The following CPEB4 variants were observed in gnomAD, a reference collection of about 807,000 sequenced individuals.
CPEB4 encodes cytoplasmic polyadenylation element binding protein 4, also known as cytoplasmic polyadenylation element-binding protein 4.
A neutral mutation model predicts 72.5 loss-of-function variants in CPEB4; 12 were observed. That is an observed-to-expected ratio of 0.17 (90% CI 0.11 to 0.27). The LOEUF (loss-of-function observed/expected upper bound fraction) is 0.27, where lower values mean the gene tolerates loss of function less well. Among genes scored for constraint, CPEB4 ranks in the 10% least tolerant of loss-of-function variants. The pLI, the probability that CPEB4 is intolerant of heterozygous loss-of-function variation, is 1.00. For synonymous variants in CPEB4, 302 were observed against 326.3 expected (o/e 0.93, Z 0.80); for missense variants, 614 against 908.5 (o/e 0.68, Z 4.17).
chr5:173,916,907 A>G (rs1756889256), intron 2 of CPEB4, among the ~76,000 whole-genome samples: 1 of 152,202 alleles, frequency 6.6e-6, no homozygotes, highest in Admixed American at 6.5e-5. Context: ...GATAGAATTT[A>G]GTGCTACTTA....
intron 2 of CPEB4, among the ~76,000 whole-genome samples, chr5:173,926,448 A>G (rs975695558): frequency 6.6e-6 from 1 of 152,192 alleles, no homozygotes; most frequent in Admixed American, 6.5e-5. Flanking sequence ...CCAACTGGCA[A>G]ATGCTTAGCA....
chr5:173,941,935 G>T (rs1757860782), intron 3 of CPEB4, among the ~76,000 whole-genome samples: 2 of 152,292 alleles, frequency 1.3e-5, no homozygotes, highest in Admixed American at 1.3e-4. Flanking sequence ...GTCCCCACTT[G>T]TTCTACATGC....
intron 2 of CPEB4, among the ~76,000 whole-genome samples, chr5:173,914,711 G>T (rs770665244): frequency 1.3e-5 from 2 of 152,080 alleles, no homozygotes; most frequent in Non-Finnish European, 2.9e-5. Context: ...AGCCGAGATC[G>T]GGCCACTGCA....
chr5:173,889,689 A>G lies in CPEB4; in HGVS notation c.-45A>G. ...GAGGAAAAAAAAGGCGTGAGACATC[A>G]GGTTGTCATTTTTTATTGTGAGATT... is the stretch of plus-strand genomic sequence containing the variant. On this transcript the variant is annotated 5_prime_UTR_variant, in exon 1 of 10. Coordinates refer to ENST00000265085, the MANE Select transcript of CPEB4 (RefSeq NM_030627.4). 2 of 1,491,952 alleles carry G rather than the reference A, an allele frequency of 1.3e-6. No individual in the cohort carries two copies. Among genetic ancestry groups the G allele is most frequent in the Non-Finnish European group, 1.8e-6 (2 of 1,109,722 alleles). 92.4% of individuals were successfully genotyped at this position (1,491,952 alleles called of 1,614,324 possible). A position where few individuals can be genotyped will look rare whatever the true frequency, so the allele number is the denominator to read the frequency against.
chr5:173,946,041 G>C (rs1171548452), intron 5 of CPEB4, among the ~76,000 whole-genome samples: 1 of 152,130 alleles, frequency 6.6e-6, no homozygotes, highest in Non-Finnish European at 1.5e-5. Flanking sequence ...ACATGTATAA[G>C]ATCTAATAAA....
chr5:173,948,907 C>A (rs1391303576), intron 5 of CPEB4, among the ~76,000 whole-genome samples: 1 of 152,110 alleles, frequency 6.6e-6, no homozygotes, highest in Non-Finnish European at 1.5e-5. Context: ...ACCAAAGGCC[C>A]CAGCTCCAAA....
chr5:173,951,632 T>C (rs1238366633), intron 7 of CPEB4, among the ~76,000 whole-genome samples, 192 bp from the exon 8 acceptor site: 1 of 152,246 alleles, frequency 6.6e-6, no homozygotes, highest in African/African-American at 2.4e-5. Context: ...CTTTCCACCT[T>C]GGTTTAGTTT....
chr5:173,908,936 A>G (rs1478618198), intron 1 of CPEB4, among the ~76,000 whole-genome samples: 2 of 152,136 alleles, frequency 1.3e-5, no homozygotes, highest in African/African-American at 2.4e-5. Flanking sequence ...GTGTTTATGT[A>G]CAGTATCCTT....
At chr5:173,910,464 T>C in intron 1 of CPEB4, 59 bp from the exon 2 acceptor site, 3 of 1,176,434 alleles carry the variant, frequency 2.6e-6, no homozygotes, top group Admixed American at 1.8e-5. Flanking sequence ...AAACTTACTG[T>C]CCTCTTTTAT....
intron 2 of CPEB4, among the ~76,000 whole-genome samples, chr5:173,911,277 T>G (rs1216457280): frequency 6.6e-6 from 1 of 151,302 alleles, no homozygotes; most frequent in East Asian, 1.9e-4. Context: ...TTGCATGTTT[T>G]TATTTTTTTT....
chr5:173,923,084 TATCAG>T (rs1394490623), intron 2 of CPEB4, among the ~76,000 whole-genome samples: 1 of 152,214 alleles, frequency 6.6e-6, no homozygotes, highest in East Asian at 1.9e-4. Flanking sequence ...GAAATTCTTA[TATCAG>T]ATATAAAATG....
rs144381158 is a variant in CPEB4 at position 173,896,166 on chromosome 5, C to T, written c.1125+5308C>T. ...ATAATTCGCTGTCATATTTTTTCAG[C>T]GCTGTATTGTACCTCAGTTTTTGGT... On this transcript the variant is annotated intron_variant, in intron 1 of 9. Transcript: ENST00000265085. Among the ~76,000 whole-genome samples the T allele has an allele frequency of 2.0e-3, 305 of 152,162 alleles. 1 individual carries two copies. The highest frequency in any genetic ancestry group is 6.8e-3 in the Middle Eastern group (2 of 294).
chr5:173,911,196 G>T lies in CPEB4; in HGVS notation c.1207+592G>T, dbSNP rs528497159. Among the ~76,000 whole-genome samples, 978 of 151,936 alleles carry T rather than the reference G, an allele frequency of 6.4e-3. 8 individuals carry two copies. The highest frequency in any genetic ancestry group is 0.023 in the African/African-American group (946 of 41,450). ...TCAATTTCTTCACCTTTATAAAGACGTAGAATTACCCGGGTGCTTTAAAAA... is the reference window on the plus strand; with the variant it reads ...TCAATTTCTTCACCTTTATAAAGACTTAGAATTACCCGGGTGCTTTAAAAA... On this transcript the variant is annotated intron_variant, in intron 2 of 9. Coordinates refer to ENST00000265085, the MANE Select transcript of CPEB4 (RefSeq NM_030627.4).
chr5:173,891,333 G>A (rs1755804311), intron 1 of CPEB4: 1 of 152,206 alleles, frequency 6.6e-6, no homozygotes. Flanking sequence ...CTCACTGGTT[G>A]GTTGCATTTT....
rs1023781092 is a variant in CPEB4, at chr5:173,889,528, T to G, written c.-206T>G. ...GGATCCAAGTCAATGTTTTAAGAGA[T>G]TTTTTTAAGAGTTGTTTTTTCTTTC... On this transcript the variant is annotated 5_prime_UTR_variant, in exon 1 of 10. Coordinates refer to ENST00000265085, the MANE Select transcript of CPEB4 (RefSeq NM_030627.4). 7.3e-5 allele frequency: 34 copies of G among 464,546 alleles called. No individual in the cohort carries two copies. The highest frequency in any genetic ancestry group is 4.2e-5 in the Non-Finnish European group (11 of 261,486). 28.8% of individuals were successfully genotyped at this position (464,546 alleles called of 1,614,324 possible). A position where few individuals can be genotyped will look rare whatever the true frequency, so the allele number is the denominator to read the frequency against.
intron 5 of CPEB4, among the ~76,000 whole-genome samples, chr5:173,946,113 C>T (rs890611055): frequency 4.6e-5 from 7 of 152,146 alleles, no homozygotes; most frequent in African/African-American, 1.7e-4. Context: ...ACTTCATTTT[C>T]TTCAAGATGA....
At chr5:173,946,328 A>T (rs1758013463) in intron 5 of CPEB4, among the ~76,000 whole-genome samples, 1 of 152,180 alleles carries the variant, frequency 6.6e-6, no homozygotes, top group Admixed American at 6.5e-5. Context: ...GTGCACTAAA[A>T]ATTACAGGGT....
At position 173,950,430 on chromosome 5, in the gene CPEB4, TC is replaced by T. The variant is rs1758175727; in HGVS notation, c.1665+354del. Among the ~76,000 whole-genome samples, 1 of 151,798 alleles carries T rather than the reference TC, an allele frequency of 6.6e-6. No homozygotes were observed. The highest frequency in any genetic ancestry group is 2.1e-4 in the South Asian group (1 of 4,808). ...GACCAGCCTGGCCAACATGGTGAAATCCAGTCTTTACTGAAAATACAAAAAT... is the reference window on the plus strand; with the variant it reads ...GACCAGCCTGGCCAACATGGTGAAATCAGTCTTTACTGAAAATACAAAAAT... On this transcript the variant is annotated intron_variant, in intron 7 of 9. Coordinates refer to ENST00000265085, the MANE Select transcript of CPEB4 (RefSeq NM_030627.4). This position sits in a 1 kb window ranked among gnomAD's most constrained non-coding sequence, Gnocchi z 5.0.
At position 173,911,352 on chromosome 5, in the gene CPEB4, T is replaced by A. The variant is rs1309590662; in HGVS notation, c.1207+748T>A. 2.0e-5 allele frequency among the ~76,000 whole-genome samples: 3 copies of A among 151,318 alleles called. No individual in the cohort carries two copies. The East Asian group carries it at 5.8e-4, about 29-fold the overall frequency. ...TGGCGTGATCACTGCAAGCTCCGCC[T>A]CCCAGGCTCACGCCATTCTCCTGCC... is the stretch of plus-strand genomic sequence containing the variant. On this transcript the variant is annotated intron_variant, in intron 2 of 9. Coordinates refer to ENST00000265085, the MANE Select transcript of CPEB4 (RefSeq NM_030627.4).
Sources: allele counts gnomAD v4.1 joint callset (sites outside exome capture counted in the v4.1 genomes callset), GRCh38; gene constraint gnomAD v4.1.1; non-coding constraint Gnocchi (gnomAD v3.1); transcripts MANE v1.5; gene names NCBI Gene and HGNC (gene_info 2026-07-23, HGNC 2026-07-21).